ARHGAP22: variants seen among roughly 807,000 people sequenced by gnomAD.
ARHGAP22 encodes Rho GTPase activating protein 22.
ARHGAP22 carries 48 observed loss-of-function variants against 59.1 expected under a neutral mutation model. The observed-to-expected ratio is 0.81, with a 90% confidence interval of 0.64 to 1.03. The LOEUF (loss-of-function observed/expected upper bound fraction) is 1.03, where lower values mean the gene tolerates loss of function less well. Among genes scored for constraint, ARHGAP22 ranks in the 50% least tolerant of loss-of-function variants. The probability of loss-of-function intolerance (pLI) is 0.00; values close to 1 mark genes in which losing one functional copy is unlikely to be tolerated. For synonymous variants in ARHGAP22, 445 were observed against 416.4 expected (o/e 1.07, Z -0.84); for missense variants, 1,015 against 958.7 (o/e 1.06, Z -0.78).
rs1469680833 is a variant in ARHGAP22 at position 48,506,394 on chromosome 10, G to A, written c.323-26630C>T. Among the ~76,000 whole-genome samples, 5 of 152,236 alleles carry A rather than the reference G, an allele frequency of 3.3e-5. No homozygotes were observed. In the East Asian group the frequency reaches 5.8e-4, roughly 18 times the overall value. Reference sequence around the variant, plus strand: ...GGAATACTGCAGGCAATAATAACACGGTGGGAAGTATTCATGTATCTAAAC... The same window carrying A: ...GGAATACTGCAGGCAATAATAACACAGTGGGAAGTATTCATGTATCTAAAC... On this transcript the variant is annotated intron_variant, in intron 3 of 9. Transcript: ENST00000249601.
chr10:48,623,143 C>G (rs1276918232), intron 1 of ARHGAP22, among the ~76,000 whole-genome samples: 1 of 152,232 alleles, frequency 6.6e-6, no homozygotes, highest in Non-Finnish European at 1.5e-5. Flanking sequence ...GCTCTGGAGA[C>G]AGTCCTATCT....
chr10:48,547,487 C>G (rs1329973804), intron 3 of ARHGAP22, among the ~76,000 whole-genome samples: 4 of 152,208 alleles, frequency 2.6e-5, no homozygotes, highest in Non-Finnish European at 5.9e-5. Flanking sequence ...GCTTGCCAGG[C>G]CTCTGAATGG....
intron 2 of ARHGAP22, among the ~76,000 whole-genome samples, chr10:48,560,091 A>G (rs369842810): frequency 6.6e-6 from 1 of 152,242 alleles, no homozygotes; most frequent in Non-Finnish European, 1.5e-5. Flanking sequence ...TGCAGATAGA[A>G]TTAAGTTTGC....
At chr10:48,598,775 C>T (rs1035384182) in intron 1 of ARHGAP22, among the ~76,000 whole-genome samples, 129 of 152,332 alleles carry the variant, frequency 8.5e-4, no homozygotes, top group African/African-American at 3.0e-3. Flanking sequence ...TGCATTGCAG[C>T]CACCACAGGG....
intron 1 of ARHGAP22, among the ~76,000 whole-genome samples, chr10:48,596,662 C>T (rs1436666392): frequency 6.6e-6 from 1 of 152,218 alleles, no homozygotes; most frequent in Non-Finnish European, 1.5e-5. Context: ...AAGCCCTTGC[C>T]AGACTAATGA....
chr10:48,563,445 C>T (rs1434464008), intron 2 of ARHGAP22, among the ~76,000 whole-genome samples: 1 of 152,188 alleles, frequency 6.6e-6, no homozygotes, highest in Non-Finnish European at 1.5e-5. Flanking sequence ...CCGTCTCGGC[C>T]TCCCAAAGTG....
At chr10:48,542,146 C>A (rs774219160) in intron 3 of ARHGAP22, among the ~76,000 whole-genome samples, 2 of 152,204 alleles carry the variant, frequency 1.3e-5, no homozygotes, top group South Asian at 4.1e-4. Context: ...ACCAAACTCA[C>A]TCAGGACTTG....
chr10:48,639,081 T>C (rs2061939410), intron 1 of ARHGAP22, among the ~76,000 whole-genome samples: 1 of 152,242 alleles, frequency 6.6e-6, no homozygotes, highest in Admixed American at 6.5e-5. Context: ...ACTGTTGTAC[T>C]GTTTGTTAGG....
chr10:48,655,112 C>CTCTTCTCTTCTCTTCTCTTTTCTTT (rs1554968197), upstream of ARHGAP22, among the ~76,000 whole-genome samples: 2 of 34,112 alleles, frequency 5.9e-5, no homozygotes, highest in African/African-American at 2.3e-4. Context: ...CTCTTCTCTT[C>CTCTTCTCTTCTCTTCTCTTTTCTTT]TCTTTCCTCT....
At chr10:48,520,720 G>A (rs1179457439) in intron 3 of ARHGAP22, among the ~76,000 whole-genome samples, 1 of 152,132 alleles carries the variant, frequency 6.6e-6, no homozygotes, top group African/African-American at 2.4e-5. Context: ...AAGAGCATGG[G>A]ACCTGGTCAT....
chr10:48,579,625 A>T (rs1051001247), intron 2 of ARHGAP22, among the ~76,000 whole-genome samples: 85 of 152,156 alleles, frequency 5.6e-4, no homozygotes, highest in African/African-American at 2.0e-3. Flanking sequence ...GGAGAGGGGA[A>T]GAGATAGGGC....
chr10:48,439,423 G>T, the ARHGAP22 span: 1 of 151,680 alleles, frequency 6.6e-6, no homozygotes, highest in Non-Finnish European at 1.5e-5. Context: ...GCAATTTTAG[G>T]ATTGTCCGTG....
intron 5 of ARHGAP22, among the ~76,000 whole-genome samples, chr10:48,456,952 C>T (rs1014809668): frequency 9.2e-5 from 14 of 152,126 alleles, no homozygotes; most frequent in Admixed American, 2.6e-4. Context: ...CTGTACAGCC[C>T]GTGGTCCTGT....
intron 3 of ARHGAP22, among the ~76,000 whole-genome samples, chr10:48,537,418 T>C (rs973238668): frequency 3.3e-5 from 5 of 152,134 alleles, no homozygotes; most frequent in Admixed American, 3.3e-4. Context: ...TCACTATGGG[T>C]GTGTTGCTCC....
intron 4 of ARHGAP22, among the ~76,000 whole-genome samples, chr10:48,469,262 G>A (rs549600985): frequency 3.3e-5 from 5 of 152,200 alleles, no homozygotes; most frequent in Admixed American, 1.3e-4. Flanking sequence ...TGAGCTCCAG[G>A]TGAAGCCCTG....
At chr10:48,580,691 T>G (rs1054945360) in intron 2 of ARHGAP22, among the ~76,000 whole-genome samples, 4 of 151,676 alleles carry the variant, frequency 2.6e-5, no homozygotes, top group Non-Finnish European at 5.9e-5. Context: ...TCTACAAAAC[T>G]GGGAGGCCAG....
At chr10:48,454,011 TG>T (rs2046251529) in intron 7 of ARHGAP22, 76 bp downstream of exon 7, 8 of 1,452,556 alleles carry the variant, frequency 5.5e-6, no homozygotes, top group Non-Finnish European at 6.8e-6. Flanking sequence ...AAGGAAGAGT[TG>T]CGTGTCTCGC....
the ARHGAP22 span, chr10:48,431,181 C>A: frequency 6.4e-7 from 1 of 1,573,094 alleles, no homozygotes. Flanking sequence ...TTTTTGTTTA[C>A]TTCTTTTACA....
intron 4 of ARHGAP22, among the ~76,000 whole-genome samples, chr10:48,473,243 A>G (rs9794032): frequency 0.56 from 84,775 of 152,158 alleles, 27,148 homozygotes; most frequent in Non-Finnish European, 0.71. Flanking sequence ...AGTCACAAAA[A>G]GACAAATACT....
Sources: gnomAD v4.1 joint callset for allele counts (sites outside exome capture counted in the v4.1 genomes callset) on GRCh38, gnomAD v4.1.1 for gene constraint, MANE v1.5 for transcripts, NCBI Gene and HGNC (gene_info 2026-07-23, HGNC 2026-07-21) for gene names.